ARHGAP42: variants seen among roughly 807,000 people sequenced by gnomAD.
ARHGAP42 encodes Rho GTPase activating protein 42.
ARHGAP42 carries 63 observed loss-of-function variants against 125.0 expected under a neutral mutation model. That is an observed-to-expected ratio of 0.50 (90% confidence interval 0.41 to 0.62). The LOEUF is 0.62. Among genes scored for constraint, ARHGAP42 ranks in the 20% least tolerant of loss-of-function variants. The pLI is 0.00. For missense variants in ARHGAP42, 766 were observed against 1,024.2 expected, an observed-to-expected ratio of 0.75 and a Z score of 3.44; for synonymous variants, 339 against 351.0, an observed-to-expected ratio of 0.97 and a Z score of 0.38.
At chr11:100,800,999 T>A (rs1428914853) in intron 3 of ARHGAP42, among the ~76,000 whole-genome samples, 1 of 152,196 alleles carries the variant, frequency 6.6e-6, no homozygotes, top group Non-Finnish European at 1.5e-5. Flanking sequence ...TTTCAGATTT[T>A]AAAAAATTTG....
intron 3 of ARHGAP42, among the ~76,000 whole-genome samples, chr11:100,822,462 ACT>A (rs1864426196): frequency 1.3e-5 from 2 of 152,044 alleles, no homozygotes; most frequent in Non-Finnish European, 2.9e-5. Flanking sequence ...TGTTTGTTTC[ACT>A]GTTATTTTCT....
chr11:100,893,805 T>C (rs1866279416), intron 4 of ARHGAP42, among the ~76,000 whole-genome samples: 1 of 152,178 alleles, frequency 6.6e-6, no homozygotes, highest in African/African-American at 2.4e-5. Context: ...AGAAGAACCC[T>C]ATTTCTCAAG....
intron 1 of ARHGAP42, among the ~76,000 whole-genome samples, chr11:100,709,308 T>C (rs946686056): frequency 1.3e-5 from 2 of 152,100 alleles, no homozygotes; most frequent in Admixed American, 6.6e-5. Context: ...CCAGTGAATG[T>C]TGTTTGTCTG....
intron 20 of ARHGAP42, 98 bp downstream of exon 20, chr11:100,976,535 G>T: frequency 7.1e-7 from 1 of 1,409,892 alleles, no homozygotes; most frequent in Non-Finnish European, 9.3e-7. Flanking sequence ...TAATGGTGGA[G>T]AAACTAATGA....
At chr11:100,880,142 T>C (rs7933673) in intron 4 of ARHGAP42, among the ~76,000 whole-genome samples, 15,585 of 152,178 alleles carry the variant, frequency 0.1, 797 homozygotes, top group Non-Finnish European at 0.12. Context: ...GAACAGGTGG[T>C]GTTTGGTTAC....
rs1858847583 is a variant in ARHGAP42, at chr11:100,992,191, T to C, written c.*3390T>C. 4 of 1,169,888 alleles carry C rather than the reference T, an allele frequency of 3.4e-6. No homozygotes were observed. Among genetic ancestry groups the C allele is most frequent in the Non-Finnish European group, 4.7e-6 (4 of 844,214 alleles). 72.5% of individuals were successfully genotyped at this position (1,169,888 alleles called of 1,614,324 possible). ...TAAATCATGTATTCAGGATGCCTTC[T>C]TTAGCATTTAGAACCCCAACTAGAC... On this transcript the variant is annotated 3_prime_UTR_variant, in exon 24 of 24. Transcript: ENST00000298815.
chr11:100,751,451 T>A (rs1434746844), intron 1 of ARHGAP42, among the ~76,000 whole-genome samples: 1 of 151,194 alleles, frequency 6.6e-6, no homozygotes, highest in Non-Finnish European at 1.5e-5. Context: ...ACCCAGCTAA[T>A]TTATACTTTT....
At chr11:100,717,723 C>T (rs1434528129) in intron 1 of ARHGAP42, among the ~76,000 whole-genome samples, 3 of 148,348 alleles carry the variant, frequency 2.0e-5, no homozygotes, top group Admixed American at 6.8e-5. Context: ...GTCAGGAGTT[C>T]GAGACCAGCC....
At chr11:100,975,645 G>A (rs1428326862) in intron 19 of ARHGAP42, among the ~76,000 whole-genome samples, 1 of 152,162 alleles carries the variant, frequency 6.6e-6, no homozygotes, top group Non-Finnish European at 1.5e-5. Context: ...GTAAAAGAAA[G>A]CAGAAATATG....
At chr11:100,837,691 T>A (rs899210952) in intron 3 of ARHGAP42, among the ~76,000 whole-genome samples, 7 of 138,214 alleles carry the variant, frequency 5.1e-5, no homozygotes, top group African/African-American at 1.6e-4. Context: ...TTTTTTTTTT[T>A]TTTTTTAGTA....
intron 3 of ARHGAP42, among the ~76,000 whole-genome samples, chr11:100,804,927 G>A (rs1393116689): frequency 6.6e-6 from 1 of 152,214 alleles, no homozygotes; most frequent in East Asian, 1.9e-4. Flanking sequence ...TAGACATCAG[G>A]AATATGTGTC....
intron 1 of ARHGAP42, among the ~76,000 whole-genome samples, chr11:100,690,160 T>C (rs1415253390): frequency 6.6e-6 from 1 of 152,174 alleles, no homozygotes; most frequent in Non-Finnish European, 1.5e-5. Flanking sequence ...GTCTTTTCTG[T>C]TTTTCTTTCC....
intron 1 of ARHGAP42, among the ~76,000 whole-genome samples, chr11:100,759,228 TCTGGCTCCTCACATCTCATCGG>T (rs944352977): frequency 7.9e-5 from 12 of 152,310 alleles, no homozygotes; most frequent in Admixed American, 2.6e-4. Flanking sequence ...GGCCATTCTC[TCTGGCTCCTCACATCTCATCGG>T]CTTGATTTGA....
chr11:100,885,643 G>A (rs1191198594), intron 4 of ARHGAP42, among the ~76,000 whole-genome samples: 1 of 152,018 alleles, frequency 6.6e-6, no homozygotes, highest in Non-Finnish European at 1.5e-5. Flanking sequence ...TATCATGTTT[G>A]TCATTGATTT....
intron 22 of ARHGAP42, among the ~76,000 whole-genome samples, chr11:100,980,559 C>CTTCTTCTTTTTTTTTTTTTTTTT (rs1555037006): frequency 3.8e-5 from 2 of 51,962 alleles, no homozygotes; most frequent in Non-Finnish European, 7.7e-5. Flanking sequence ...TTTTCTTCTT[C>CTTCTTCTTTTTTTTTTTTTTTTT]TTTTTTTTTT....
intron 4 of ARHGAP42, among the ~76,000 whole-genome samples, chr11:100,868,688 T>A (rs780843871): frequency 7.8e-4 from 119 of 152,176 alleles, no homozygotes; most frequent in Admixed American, 2.8e-3. Flanking sequence ...AGTGAGATAG[T>A]GTCTTATAAT....
chr11:100,814,180 G>A (rs889972814), intron 3 of ARHGAP42, among the ~76,000 whole-genome samples: 36 of 151,500 alleles, frequency 2.4e-4, no homozygotes, highest in African/African-American at 8.5e-4. Context: ...GCATCAGTGC[G>A]AGACTCCGTC....
intron 10 of ARHGAP42, among the ~76,000 whole-genome samples, chr11:100,944,069 G>A (rs1867953532): frequency 6.6e-6 from 1 of 152,022 alleles, no homozygotes; most frequent in Non-Finnish European, 1.5e-5. Context: ...GAAAACAGTA[G>A]CATCACTCAA....
At chr11:100,895,324 A>T (rs1565263490) in intron 4 of ARHGAP42, among the ~76,000 whole-genome samples, 1 of 151,998 alleles carries the variant, frequency 6.6e-6, no homozygotes, top group Non-Finnish European at 1.5e-5. Flanking sequence ...AGCACTATTA[A>T]CATTTTGGAC....
Sources: gnomAD v4.1 joint callset for allele counts (sites outside exome capture counted in the v4.1 genomes callset) on GRCh38, gnomAD v4.1.1 for gene constraint, MANE v1.5 for transcripts, NCBI Gene and HGNC (gene_info 2026-07-23, HGNC 2026-07-21) for gene names.